Variants in SYNPO2 observed in about 807,000 individuals in gnomAD.
The protein encoded by SYNPO2 is synaptopodin 2.
Under a neutral mutation model 85.0 loss-of-function variants are expected in SYNPO2, and 56 were observed. The ratio of observed to expected loss-of-function variants is 0.66; its 90% CI spans 0.53 to 0.82. The LOEUF is 0.82. Among genes scored for constraint, SYNPO2 ranks in the 40% least tolerant of loss-of-function variants. SYNPO2 has a pLI of 0.00. For synonymous variants in SYNPO2, 602 were observed against 591.1 expected (o/e 1.02, Z -0.27); for missense variants, 1,575 against 1,534.2 (o/e 1.03, Z -0.44).
Position 118,989,253 on chromosome 4 carries a change from C to A in SYNPO2, c.106-34177C>A, listed in dbSNP as rs565032344. ...ATCAGGCCCTGGCTCATGATTATGC[C>A]TGTGGGATGTTGTGCCCATAGCTTG... On this transcript the variant is annotated intron_variant, in intron 1 of 4. Coordinates refer to ENST00000307142, the MANE Select transcript of SYNPO2 (RefSeq NM_133477.3). Among the ~76,000 whole-genome samples the A allele has an allele frequency of 7.9e-5, 12 of 152,244 alleles. No homozygotes were observed. The South Asian group carries it at 2.5e-3, about 32-fold the overall frequency.
chr4:118,945,139 G>C lies in SYNPO2; in HGVS notation c.105+55998G>C, dbSNP rs79895575. On this transcript the variant is annotated intron_variant, in intron 1 of 4. Transcript: ENST00000307142. Reference sequence around the variant, plus strand: ...CAATAAATGTGAGCCATTATTATTCGCACCTACCAAAAGTTCCTAGAATAG... The same window carrying C: ...CAATAAATGTGAGCCATTATTATTCCCACCTACCAAAAGTTCCTAGAATAG... Among the ~76,000 whole-genome samples the C allele has an allele frequency of 5.2e-3, 797 of 152,260 alleles. 5 individuals are homozygous for C. The highest frequency in any genetic ancestry group is 0.018 in the African/African-American group (757 of 41,550).
At position 118,962,275 on chromosome 4, in the gene SYNPO2, T is replaced by C. The variant is rs139808023; in HGVS notation, c.106-61155T>C. Among the ~76,000 whole-genome samples, 238 of 152,218 alleles carry C rather than the reference T, an allele frequency of 1.6e-3. 1 individual carries two copies. The highest frequency in any genetic ancestry group is 2.8e-3 in the Non-Finnish European group (189 of 67,992). On this transcript the variant is annotated intron_variant, in intron 1 of 4. Transcript: ENST00000307142. The stretch of plus-strand genomic sequence containing the variant: ...AAACTAAGTCTCTGTAGCCCCAGGG[T>C]GATAGAAAATAGCCAATTTATAAAG...
At chr4:119,029,280 G>A (rs1017174573) in intron 3 of SYNPO2, among the ~76,000 whole-genome samples, 1 of 151,856 alleles carries the variant, frequency 6.6e-6, no homozygotes, top group Non-Finnish European at 1.5e-5. Context: ...GAAAGATTTG[G>A]GGTGGTTGTC....
At chr4:119,007,263 T>TATGTATATACATATATGTATATAC in intron 1 of SYNPO2, among the ~76,000 whole-genome samples, 2 of 77,782 alleles carry the variant, frequency 2.6e-5, no homozygotes, top group Non-Finnish European at 4.8e-5. Context: ...CATATATATA[T>TATGTATATACATATATGTATATAC]ATATATATAT....
intron 1 of SYNPO2, among the ~76,000 whole-genome samples, chr4:118,942,601 T>C (rs1022009519): frequency 6.6e-6 from 1 of 152,158 alleles, no homozygotes; most frequent in Non-Finnish European, 1.5e-5. Context: ...ATGTATTACT[T>C]AAAACCCTAT....
At chr4:119,021,136 A>G (rs1737705570) in intron 1 of SYNPO2, among the ~76,000 whole-genome samples, 1 of 152,232 alleles carries the variant, frequency 6.6e-6, no homozygotes, top group African/African-American at 2.4e-5. Flanking sequence ...ATTGTAATTT[A>G]TGACAATAGA....
At chr4:118,974,858 G>A (rs913040128) in intron 1 of SYNPO2, among the ~76,000 whole-genome samples, 6 of 152,054 alleles carry the variant, frequency 3.9e-5, no homozygotes, top group African/African-American at 1.4e-4. Flanking sequence ...CTCTAATCCA[G>A]GCTCTCATCA....
rs193134219 is a variant in SYNPO2 at position 118,925,692 on chromosome 4, G to A, written c.105+36551G>A. Among the ~76,000 whole-genome samples the A allele has an allele frequency of 2.6e-5, 4 of 152,112 alleles. No homozygotes were observed. The East Asian group carries it at 5.8e-4, about 22-fold the overall frequency. Reference sequence around the variant, plus strand: ...GTTGTATTCAATTATTAAAATCAGCGGGTCAGTTTAATTCTGTCCCCAGTA... The same window carrying A: ...GTTGTATTCAATTATTAAAATCAGCAGGTCAGTTTAATTCTGTCCCCAGTA... On this transcript the variant is annotated intron_variant, in intron 1 of 4. Coordinates refer to ENST00000307142, the MANE Select transcript of SYNPO2 (RefSeq NM_133477.3).
intron 4 of SYNPO2, among the ~76,000 whole-genome samples, chr4:119,040,955 A>G (rs997979175): frequency 4.3e-4 from 66 of 152,222 alleles, no homozygotes; most frequent in African/African-American, 1.5e-3. Context: ...CAAAAACAGA[A>G]AGAGTGAAAC....
chr4:118,984,390 GT>G (rs1736141476), intron 1 of SYNPO2, among the ~76,000 whole-genome samples: 1 of 152,122 alleles, frequency 6.6e-6, no homozygotes, highest in Admixed American at 6.5e-5. Flanking sequence ...ATCCTCTTCA[GT>G]TATTCTTCTG....
chr4:118,938,181 G>C (rs576686036), intron 1 of SYNPO2, among the ~76,000 whole-genome samples: 3 of 151,938 alleles, frequency 2.0e-5, no homozygotes, highest in African/African-American at 7.3e-5. Context: ...CTGTATAGCC[G>C]GGTGGCAGGA....
rs1267384129 is a variant in SYNPO2, at chr4:119,060,116, C to G, written c.*2182C>G. ...ACTTCATTGCTTTCTTTTATAAGTG[C>G]AAGGAGTTATTTCCATCAGTTGACA... On this transcript the variant is annotated 3_prime_UTR_variant, in exon 5 of 5. Coordinates refer to ENST00000307142, the MANE Select transcript of SYNPO2 (RefSeq NM_133477.3). The G allele has an allele frequency of 1.3e-5, 2 of 152,100 alleles. No individual in the cohort carries two copies. The highest frequency in any genetic ancestry group is 6.6e-5 in the Admixed American group (1 of 15,260). 9.4% of individuals were successfully genotyped at this position (152,100 alleles called of 1,614,324 possible).
rs915761906 is a variant in SYNPO2 at position 119,009,377 on chromosome 4, A to G, written c.106-14053A>G. On this transcript the variant is annotated intron_variant, in intron 1 of 4. Coordinates refer to ENST00000307142, the MANE Select transcript of SYNPO2 (RefSeq NM_133477.3). ...AAGCATATAGTTTAAATAAAAGAACATGCCAAAAAATCTTAAAATAATGAT... is the reference window on the plus strand; with the variant it reads ...AAGCATATAGTTTAAATAAAAGAACGTGCCAAAAAATCTTAAAATAATGAT... Among the ~76,000 whole-genome samples, 3 of 152,204 alleles carry G rather than the reference A, an allele frequency of 2.0e-5. No homozygotes were observed. In the South Asian group the frequency reaches 6.2e-4, roughly 31 times the overall value.
rs777321672 is a variant in SYNPO2 at position 119,026,977 on chromosome 4, T to C, written c.608T>C (p.Leu203Pro). The change falls in exon 3 of 5, where the codon CTT (leucine) becomes CCT (proline). Residue 203 changes from leucine (L) to proline (P), a missense_variant. Physicochemically the swap from Leu to Pro is moderately conservative, Grantham distance 98 (BLOSUM62 -3). This residue lies in a region of SYNPO2 where 1,508 missense variants were observed against 1,446.8 expected (regional missense o/e 1.04). Coordinates refer to ENST00000307142, the MANE Select transcript of SYNPO2 (RefSeq NM_133477.3). ...CCTGTGGTTGAGCTGCAACTGTCCCTTTCACAGGAGAGACATAAGGGCGCT... is the reference window on the plus strand; with the variant it reads ...CCTGTGGTTGAGCTGCAACTGTCCCCTTCACAGGAGAGACATAAGGGCGCT... ...PGPVVELQLSLSQERHKGASG... is the reference protein window; with the variant it reads ...PGPVVELQLSPSQERHKGASG... 1.9e-6 allele frequency: 3 copies of C among 1,614,160 alleles called. No individual in the cohort carries two copies. Among genetic ancestry groups the C allele is most frequent in the Non-Finnish European group, 2.5e-6 (3 of 1,180,022 alleles).
At position 119,030,751 on chromosome 4, in the gene SYNPO2, C is replaced by G; in HGVS notation, c.1976C>G (p.Ala659Gly). 1 of 1,614,186 alleles carries G rather than the reference C, an allele frequency of 6.2e-7. No individual in the cohort carries two copies. The highest frequency in any genetic ancestry group is 8.5e-7 in the Non-Finnish European group (1 of 1,180,042). Residue 659 changes from alanine to glycine, a missense_variant, in exon 4 of 5, where the codon GCC becomes GGC. Transcript: ENST00000307142. ...CAGCCTGCCCCGTGGTCCCAGCCAG[C>G]CTTTTACGATTCGTCTGAGCGAATA... ...WPQPAPWSQP[A>G]FYDSSERIAS...
intron 1 of SYNPO2, among the ~76,000 whole-genome samples, chr4:118,880,225 T>A (rs1202468176): frequency 6.6e-6 from 1 of 152,222 alleles, no homozygotes. Context: ...TTATTCTGTC[T>A]GGTCATTTTA....
intron 1 of SYNPO2, among the ~76,000 whole-genome samples, chr4:118,876,667 C>CTT (rs772213842): frequency 6.0e-4 from 67 of 112,168 alleles, no homozygotes; most frequent in Non-Finnish European, 7.3e-4. Flanking sequence ...TCCTTCCTTT[C>CTT]TCTTTCTTTC....
At chr4:119,005,886 G>A (rs1290217341) in intron 1 of SYNPO2, 1 of 152,156 alleles carries the variant, frequency 6.6e-6, no homozygotes, top group African/African-American at 2.4e-5. Flanking sequence ...GCTAGTCTAG[G>A]AACATTAAAA....
In SYNPO2 at chr4:119,023,425, C is replaced by T. The variant is rs770661271; in HGVS notation, c.106-5C>T. On this transcript the variant is annotated splice_polypyrimidine_tract_variant and splice_region_variant and intron_variant, in intron 1 of 4. Coordinates refer to ENST00000307142, the MANE Select transcript of SYNPO2 (RefSeq NM_133477.3). ...TACTATGTCTTCTTTTTTTACTCCA[C>T]TCAGATTCGAAATCAGAGCAAAGCC... is the stretch of plus-strand genomic sequence containing the variant. The T allele has an allele frequency of 1.9e-6, 3 of 1,601,686 alleles. No individual in the cohort carries two copies. Among genetic ancestry groups the T allele is most frequent in the South Asian group, 1.1e-5 (1 of 88,536 alleles).
Sources: gnomAD v4.1 joint callset for allele counts (sites outside exome capture counted in the v4.1 genomes callset) on GRCh38, gnomAD v4.1.1 for gene constraint, gnomAD v4.1.1 regional missense constraint, MANE v1.5 for transcripts, NCBI Gene and HGNC (gene_info 2026-07-23, HGNC 2026-07-21) for gene names.